The following GABRP variants were observed in gnomAD, a reference collection of about 807,000 sequenced individuals.
The protein encoded by GABRP is gamma-aminobutyric acid type A receptor subunit pi.
Under a neutral mutation model 47.8 loss-of-function variants are expected in GABRP, and 52 were observed. The ratio of observed to expected loss-of-function variants is 1.09; its 90% CI spans 0.87 to 1.37. The LOEUF is 1.37. GABRP is among the 40% of genes most tolerant of loss of function. The pLI, the probability that GABRP is intolerant of heterozygous loss-of-function variation, is 0.00. For synonymous variants in GABRP, 221 were observed against 205.8 expected (o/e 1.07, Z -0.63); for missense variants, 525 against 542.8 (o/e 0.97, Z 0.33).
At chr5:170,804,546 C>G (rs1765678321) in intron 6 of GABRP, among the ~76,000 whole-genome samples, 1 of 152,114 alleles carries the variant, frequency 6.6e-6, no homozygotes. Flanking sequence ...TTATTACAGC[C>G]ATCTAATGGG....
chr5:170,786,272 G>T (rs773782073), intron 1 of GABRP, among the ~76,000 whole-genome samples: 15 of 152,220 alleles, frequency 9.9e-5, no homozygotes, highest in South Asian at 8.3e-4. Context: ...TAAAGGAAGA[G>T]AATGTGAATA....
chr5:170,787,615 C>A (rs113783343), intron 1 of GABRP, among the ~76,000 whole-genome samples: 2 of 145,868 alleles, frequency 1.4e-5, no homozygotes, highest in Non-Finnish European at 2.9e-5. Flanking sequence ...AAGAGAGTAC[C>A]GGGGGGGAGG....
In GABRP at chr5:170,795,189, C is replaced by T; in HGVS notation, c.241-19C>T. 6.3e-7 allele frequency: 1 copy of T among 1,590,348 alleles called. No individual in the cohort carries two copies. The highest frequency in any genetic ancestry group is 8.6e-7 in the Non-Finnish European group (1 of 1,159,950). ...CCCACTACCCCCATCCATTTCCATA[C>T]CCTGCCTCCCCCTCCCAGGACTACA... is the stretch of plus-strand genomic sequence containing the variant. On this transcript the variant is annotated intron_variant, in intron 4 of 9. Coordinates refer to ENST00000265294, the MANE Select transcript of GABRP (RefSeq NM_014211.3).
intron 6 of GABRP, among the ~76,000 whole-genome samples, chr5:170,801,430 T>C (rs1358787029): frequency 2.0e-5 from 3 of 152,234 alleles, no homozygotes; most frequent in Admixed American, 6.5e-5. Context: ...GACGCTTTTG[T>C]TGGATTCCCC....
At chr5:170,809,219 G>A (rs1765818430) in intron 8 of GABRP, among the ~76,000 whole-genome samples, 1 of 152,196 alleles carries the variant, frequency 6.6e-6, no homozygotes, top group Non-Finnish European at 1.5e-5. Context: ...TTACAGGTGT[G>A]AGCCACTATG....
At chr5:170,810,837 G>A (rs1253660947) in intron 9 of GABRP, among the ~76,000 whole-genome samples, 1 of 152,028 alleles carries the variant, frequency 6.6e-6, no homozygotes, top group East Asian at 1.9e-4. Context: ...AAAGGCAAAT[G>A]ACCACGTGTG....
At chr5:170,794,143 A>T in intron 3 of GABRP, 88 bp from the exon 4 acceptor site, 1 of 797,788 alleles carries the variant, frequency 1.3e-6, no homozygotes, top group Non-Finnish European at 1.9e-6. Flanking sequence ...CAACTTTTGT[A>T]ATTTTAATCT....
At chr5:170,805,273 C>G (rs977579377) in intron 6 of GABRP, among the ~76,000 whole-genome samples, 3 of 151,902 alleles carry the variant, frequency 2.0e-5, no homozygotes, top group Non-Finnish European at 4.4e-5. Context: ...TTTAATAAAG[C>G]AGGTTTTTTG....
In GABRP at chr5:170,797,459, C is replaced by A; in HGVS notation, c.459-7C>A. ...ATACTGTTTTTGAACCTGTTTTTCC[C>A]TCTTAGAATCACGACAACTGTTGCA... On this transcript the variant is annotated splice_region_variant and splice_polypyrimidine_tract_variant and intron_variant, in intron 5 of 9. Transcript: ENST00000265294. 6.3e-7 allele frequency: 1 copy of A among 1,592,376 alleles called. No individual in the cohort carries two copies. The highest frequency in any genetic ancestry group is 8.6e-7 in the Non-Finnish European group (1 of 1,160,292).
At chr5:170,810,051 A>G in intron 9 of GABRP, 1 of 672,050 alleles carries the variant, frequency 1.5e-6, no homozygotes, top group Non-Finnish European at 2.7e-6. Flanking sequence ...GAAGAATCCA[A>G]TATGAAAAAA....
chr5:170,801,578 C>T (rs1277562955), intron 6 of GABRP, among the ~76,000 whole-genome samples: 3 of 152,128 alleles, frequency 2.0e-5, no homozygotes, highest in Non-Finnish European at 4.4e-5. Context: ...TAAGGAAAGT[C>T]TTTTTTCTCA....
intron 3 of GABRP, among the ~76,000 whole-genome samples, chr5:170,793,001 G>A (rs1256551653): frequency 1.3e-5 from 2 of 152,152 alleles, no homozygotes. Flanking sequence ...GGGAAGGGAA[G>A]GGAAATGCCA....
At chr5:170,798,640 A>G (rs1381722937) in intron 6 of GABRP, among the ~76,000 whole-genome samples, 5 of 152,228 alleles carry the variant, frequency 3.3e-5, no homozygotes, top group Admixed American at 2.6e-4. Flanking sequence ...TCCCAAGATC[A>G]TATCAGCCAC....
intron 6 of GABRP, among the ~76,000 whole-genome samples, chr5:170,800,001 C>G (rs1168043566): frequency 6.6e-6 from 1 of 152,126 alleles, no homozygotes; most frequent in Admixed American, 6.5e-5. Context: ...CTTTAAAGTT[C>G]ATATGGAACC....
rs891615392 is a variant in GABRP at position 170,813,017 on chromosome 5, A to C, written c.*759A>C. The C allele has an allele frequency of 6.6e-6, 1 of 152,174 alleles. No individual in the cohort carries two copies. Among genetic ancestry groups the C allele is most frequent in the African/African-American group, 2.4e-5 (1 of 41,430 alleles). The allele number at this position is 152,174 out of a possible 1,614,324, so 9.4% of individuals were successfully genotyped here. ...CTTATCATTTTATTATTATACACAC[A>C]TCCATCCTAAACTATACTAAAGCCC... On this transcript the variant is annotated 3_prime_UTR_variant, in exon 10 of 10. Transcript: ENST00000265294.
intron 6 of GABRP, among the ~76,000 whole-genome samples, chr5:170,801,088 A>C (rs1765577684): frequency 6.6e-6 from 1 of 152,202 alleles, no homozygotes; most frequent in African/African-American, 2.4e-5. Context: ...TGTTTTTCCC[A>C]TCTTGCAGAT....
At chr5:170,811,659 G>T (rs1392064680) in intron 9 of GABRP, among the ~76,000 whole-genome samples, 1 of 152,096 alleles carries the variant, frequency 6.6e-6, no homozygotes, top group Admixed American at 6.5e-5. Flanking sequence ...TTGAACCCAG[G>T]TCCACTAACT....
chr5:170,806,865 T>C (rs909877060), intron 7 of GABRP, among the ~76,000 whole-genome samples: 5 of 152,190 alleles, frequency 3.3e-5, no homozygotes, highest in Non-Finnish European at 7.3e-5. Context: ...GAAGGAAAGA[T>C]GATTTTTTCT....
At chr5:170,808,490 G>T in intron 7 of GABRP, 110 bp from the exon 8 acceptor site, 1 of 911,660 alleles carries the variant, frequency 1.1e-6, no homozygotes. Flanking sequence ...TACATAACCA[G>T]ATTTAGATCA....
Sources: gnomAD v4.1 joint callset for allele counts (sites outside exome capture counted in the v4.1 genomes callset) on GRCh38, gnomAD v4.1.1 for gene constraint, MANE v1.5 for transcripts, NCBI Gene and HGNC (gene_info 2026-07-23, HGNC 2026-07-21) for gene names.